Variants in PCCA observed in about 807,000 individuals in gnomAD.
PCCA encodes propionyl-CoA carboxylase alpha chain, mitochondrial.
In PCCA, 74 loss-of-function variants were observed where a neutral mutation model predicts 101.3. The ratio of observed to expected loss-of-function variants is 0.73; its 90% CI spans 0.61 to 0.89. The LOEUF is 0.89. Ranked by LOEUF, PCCA falls within the 40% of genes least tolerant of loss-of-function variation. The probability of loss-of-function intolerance (pLI) is 0.00; values close to 1 mark genes in which losing one functional copy is unlikely to be tolerated. For synonymous variants in PCCA, 294 were observed against 313.6 expected, an observed-to-expected ratio of 0.94 and a Z score of 0.66; for missense variants, 891 against 907.0, an observed-to-expected ratio of 0.98 and a Z score of 0.23.
At chr13:100,260,558 G>C (rs1019286729) in intron 9 of PCCA, among the ~76,000 whole-genome samples, 1 of 151,794 alleles carries the variant, frequency 6.6e-6, no homozygotes, top group Admixed American at 6.6e-5. Context: ...TGCCACGCCT[G>C]GCTAATTTTT....
intron 20 of PCCA, among the ~76,000 whole-genome samples, chr13:100,431,463 C>T (rs558138823): frequency 6.6e-6 from 1 of 152,170 alleles, no homozygotes; most frequent in East Asian, 1.9e-4. Context: ...GTGTGTTTTG[C>T]GTTTGTGTAG....
intron 18 of PCCA, among the ~76,000 whole-genome samples, chr13:100,359,521 T>C (rs2074333718): frequency 6.6e-6 from 1 of 152,186 alleles, no homozygotes; most frequent in Admixed American, 6.5e-5. Context: ...GCAAGTTGTA[T>C]TTGAATAAAC....
intron 20 of PCCA, among the ~76,000 whole-genome samples, chr13:100,435,355 G>A (rs2079852692): frequency 6.6e-6 from 1 of 152,160 alleles, no homozygotes; most frequent in African/African-American, 2.4e-5. Context: ...CCTCCCACCA[G>A]GCCCCACCTG....
At chr13:100,235,368 G>T (rs1566766097) in intron 7 of PCCA, among the ~76,000 whole-genome samples, 1 of 151,504 alleles carries the variant, frequency 6.6e-6, no homozygotes, top group South Asian at 2.1e-4. Flanking sequence ...ATTCCTGTAG[G>T]TACTGGAAAT....
At position 100,093,852 on chromosome 13, in the gene PCCA, T is replaced by C. The variant is rs28513438; in HGVS notation, c.105+4627T>C. Among the ~76,000 whole-genome samples, 533 of 152,016 alleles carry C rather than the reference T, an allele frequency of 3.5e-3. 5 individuals carry two copies. Among genetic ancestry groups the C allele is most frequent in the East Asian group, 0.028 (144 of 5,164 alleles). On this transcript the variant is annotated intron_variant, in intron 1 of 23. Transcript: ENST00000376285. ...TACTTGGGAGGCTGAGGAGGGAGGA[T>C]CACTTGAGCCCAGGAGGTCAAGGCT...
At chr13:100,458,440 TAC>T (rs777836240) in intron 21 of PCCA, among the ~76,000 whole-genome samples, 14,149 of 117,944 alleles carry the variant, frequency 0.12, 841 homozygotes, top group Non-Finnish European at 0.15. Context: ...CACACACACA[TAC>T]ACACACACAC....
At chr13:100,474,460 CTCTCTCTCTG>C (rs1446316552) in intron 21 of PCCA, among the ~76,000 whole-genome samples, 60 of 134,064 alleles carry the variant, frequency 4.5e-4, no homozygotes, top group Admixed American at 1.3e-3. Flanking sequence ...CTCTCTCTCT[CTCTCTCTCTG>C]TCTCTGTCTC....
intron 18 of PCCA, among the ~76,000 whole-genome samples, chr13:100,344,046 G>A (rs977116359): frequency 3.9e-5 from 6 of 152,224 alleles, no homozygotes; most frequent in African/African-American, 1.4e-4. Context: ...CTGCACTCCA[G>A]CCCGGGTAAC....
intron 19 of PCCA, among the ~76,000 whole-genome samples, chr13:100,369,498 A>T (rs1471055438): frequency 1.3e-5 from 2 of 152,200 alleles, no homozygotes; most frequent in African/African-American, 4.8e-5. Flanking sequence ...TTCCACAAAT[A>T]ATTGTTGCAT....
intron 21 of PCCA, among the ~76,000 whole-genome samples, chr13:100,464,192 C>G (rs372276941): frequency 6.6e-6 from 1 of 152,148 alleles, no homozygotes; most frequent in African/African-American, 2.4e-5. Context: ...GAAATTACCA[C>G]GAACCACTGC....
At chr13:100,298,778 CCCTG>C (rs2065840911) in intron 12 of PCCA, among the ~76,000 whole-genome samples, 1 of 145,504 alleles carries the variant, frequency 6.9e-6, no homozygotes, top group Non-Finnish European at 1.5e-5. Flanking sequence ...CTTTATATAA[CCCTG>C]TTCTATCACT....
Position 100,515,408 on chromosome 13 carries a change from GT to G in PCCA, c.1900-15del. The G allele has an allele frequency of 6.2e-7, 1 of 1,612,340 alleles. No homozygotes were observed. Among genetic ancestry groups the G allele is most frequent in the Non-Finnish European group, 8.5e-7 (1 of 1,178,388 alleles). On this transcript the variant is annotated intron_variant, in intron 21 of 23. Coordinates refer to ENST00000376285, the MANE Select transcript of PCCA (RefSeq NM_000282.4). ...TTCATTTAAACTCATTTATGGTTTG[GT>G]TTTGTTTTTCCCTTAAGTACAAGGT...
Position 100,425,755 on chromosome 13 carries a change from A to G in PCCA, c.1845+24A>G, listed in dbSNP as rs748451014. On this transcript the variant is annotated intron_variant, in intron 20 of 23. Coordinates refer to ENST00000376285, the MANE Select transcript of PCCA (RefSeq NM_000282.4). ...AGGTGAGTGTTGTAAGGATTTCCTT[A>G]GAGGGCCTCCTCAAGTCCAGAATCC... 2.7e-6 allele frequency: 4 copies of G among 1,486,210 alleles called. No homozygotes were observed. In the East Asian group the frequency reaches 6.8e-5, roughly 25 times the overall value. The allele number at this position is 1,486,210 out of a possible 1,614,324, so 92.1% of individuals were successfully genotyped here.
chr13:100,220,216 A>T (rs966536073), intron 7 of PCCA, among the ~76,000 whole-genome samples: 1 of 152,068 alleles, frequency 6.6e-6, no homozygotes, highest in Non-Finnish European at 1.5e-5. Context: ...GATTTTGGTA[A>T]TAGCCTTCAA....
chr13:100,202,100 C>G (rs2058552598), intron 6 of PCCA, among the ~76,000 whole-genome samples: 1 of 142,432 alleles, frequency 7.0e-6, no homozygotes, highest in African/African-American at 2.6e-5. Flanking sequence ...GAGACTGAGG[C>G]AGGAGGATCA....
intron 21 of PCCA, among the ~76,000 whole-genome samples, chr13:100,486,700 C>G (rs1192509580): frequency 9.9e-5 from 15 of 152,128 alleles, no homozygotes; most frequent in Admixed American, 9.8e-4. Flanking sequence ...ATCACTTGAG[C>G]CCAGGAGTTT....
intron 6 of PCCA, among the ~76,000 whole-genome samples, chr13:100,192,807 A>C (rs1409391099): frequency 6.6e-6 from 1 of 152,004 alleles, no homozygotes; most frequent in Non-Finnish European, 1.5e-5. Context: ...TTCCCCCTCA[A>C]ATGCTCCTTC....
In PCCA at chr13:100,189,301, C is replaced by T. The variant is rs1034879541; in HGVS notation, c.469-20031C>T. Among the ~76,000 whole-genome samples the T allele has an allele frequency of 1.6e-4, 25 of 152,242 alleles. No homozygotes were observed. The East Asian group carries it at 3.5e-3, about 21-fold the overall frequency. On this transcript the variant is annotated intron_variant, in intron 6 of 23. Coordinates refer to ENST00000376285, the MANE Select transcript of PCCA (RefSeq NM_000282.4). The stretch of plus-strand genomic sequence containing the variant: ...TCCATTCTATCATTGATGGACATTT[C>T]GGTTGGTTCCATGTCTTTGCTACTG...
At chr13:100,173,228 C>T (rs1479137052) in intron 6 of PCCA, among the ~76,000 whole-genome samples, 1 of 152,184 alleles carries the variant, frequency 6.6e-6, no homozygotes. Context: ...CAGTGGTGAT[C>T]TGTAGTGGTG....
Sources: gnomAD v4.1 joint callset for allele counts (sites outside exome capture counted in the v4.1 genomes callset) on GRCh38, gnomAD v4.1.1 for gene constraint, MANE v1.5 for transcripts, NCBI Gene and HGNC (gene_info 2026-07-23, HGNC 2026-07-21) for gene names.